The following DERL2 variants were observed in gnomAD, a reference collection of about 807,000 sequenced individuals.
DERL2 encodes the protein derlin 2.
Under a neutral mutation model 32.0 loss-of-function variants are expected in DERL2, and 13 were observed. The observed-to-expected ratio is 0.41, with a 90% CI of 0.26 to 0.65. The LOEUF is 0.65. DERL2 is among the 30% of genes least tolerant of loss of function. The probability of loss-of-function intolerance (pLI) is 0.35; values close to 1 mark genes in which losing one functional copy is unlikely to be tolerated. For synonymous variants in DERL2, 111 were observed against 104.7 expected, an observed-to-expected ratio of 1.06 and a Z score of -0.37; for missense variants, 208 against 296.3, an observed-to-expected ratio of 0.70 and a Z score of 2.19.
chr17:5,485,292 C>A (rs1906113521), intron 1 of DERL2, 76 bp from the exon 2 acceptor site: 4 of 1,058,262 alleles, frequency 3.8e-6, no homozygotes, highest in Non-Finnish European at 5.5e-6. Flanking sequence ...ATTAGTAGGT[C>A]TAGCAATTTC....
rs959755950 is a variant in DERL2 at position 5,485,091 on chromosome 17, C to T, written c.159+60G>A. On this transcript the variant is annotated intron_variant, in intron 2 of 6. Transcript: ENST00000158771. ...GGATAGTGTATAACAGGATTTGCTA[C>T]TAAACAGTAAGAAAAAGAAGAAACT... 3.2e-6 allele frequency: 4 copies of T among 1,266,270 alleles called. No individual in the cohort carries two copies. The African/African-American group carries it at 6.1e-5, about 19-fold the overall frequency. 78.4% of individuals were successfully genotyped at this position (1,266,270 alleles called of 1,614,324 possible).
chr17:5,485,933 C>T (rs1363865364), intron 1 of DERL2, 136 bp downstream of exon 1: 2 of 667,748 alleles, frequency 3.0e-6, no homozygotes, highest in East Asian at 3.0e-5. Flanking sequence ...ACTCGAACCC[C>T]AGAGTAATCC....
In DERL2 at chr17:5,476,904, T is replaced by C. The variant is rs1369693386; in HGVS notation, c.615-2115A>G. 2.0e-5 allele frequency among the ~76,000 whole-genome samples: 3 copies of C among 152,022 alleles called. No homozygotes were observed. The East Asian group carries it at 5.8e-4, about 29-fold the overall frequency. ...AGAGCCCCATCAGACCATGCACACA[T>C]GGAGGTGGCCTGACGAGATGTTAGC... On this transcript the variant is annotated intron_variant, in intron 6 of 6. Coordinates refer to ENST00000158771, the MANE Select transcript of DERL2 (RefSeq NM_016041.5).
Position 5,474,026 on chromosome 17 carries a change from CAA to C in DERL2, c.*656_*657del, listed in dbSNP as rs1442702163. 1 of 152,036 alleles carries C rather than the reference CAA, an allele frequency of 6.6e-6. No homozygotes were observed. The highest frequency in any genetic ancestry group is 1.5e-5 in the Non-Finnish European group (1 of 68,012). The allele number at this position is 152,036 out of a possible 1,614,324, so 9.4% of individuals were successfully genotyped here. A position where few individuals can be genotyped will look rare whatever the true frequency, so the allele number is the denominator to read the frequency against. ...CCTCCTTTTTTTTCATGTTGTCTGA[CAA>C]AGTTTGGCAAAACCCAGATGCAAAA... On this transcript the variant is annotated 3_prime_UTR_variant, in exon 7 of 7. Coordinates refer to ENST00000158771, the MANE Select transcript of DERL2 (RefSeq NM_016041.5). This position sits in a 1 kb window ranked among gnomAD's most constrained non-coding sequence, Gnocchi z 4.3.
Position 5,474,618 on chromosome 17 carries a change from G to T in DERL2, c.*66C>A, listed in dbSNP as rs1439860492. 1.3e-5 allele frequency: 16 copies of T among 1,277,592 alleles called. No homozygotes were observed. The highest frequency in any genetic ancestry group is 6.7e-5 in the Admixed American group (3 of 45,098). 79.1% of individuals were successfully genotyped at this position (1,277,592 alleles called of 1,614,324 possible). A position where few individuals can be genotyped will look rare whatever the true frequency, so the allele number is the denominator to read the frequency against. Reference sequence around the variant, plus strand: ...AAGTGTCCACACTTTTGCAACAAAGGATAAAAGATCCCAGTGGGTATCACC... The same window carrying T: ...AAGTGTCCACACTTTTGCAACAAAGTATAAAAGATCCCAGTGGGTATCACC... On this transcript the variant is annotated 3_prime_UTR_variant, in exon 7 of 7. Coordinates refer to ENST00000158771, the MANE Select transcript of DERL2 (RefSeq NM_016041.5). The surrounding 1 kb of genome is among the most constrained non-coding windows in gnomAD (Gnocchi z 4.3).
chr17:5,479,835 GA>G (rs1206835031), intron 6 of DERL2, among the ~76,000 whole-genome samples: 1 of 152,168 alleles, frequency 6.6e-6, no homozygotes, highest in Non-Finnish European at 1.5e-5. Flanking sequence ...TTACTCCCAA[GA>G]TATCTTGAGC....
chr17:5,480,670 A>G, intron 4 of DERL2, 88 bp from the exon 5 acceptor site: 6 of 1,207,196 alleles, frequency 5.0e-6, no homozygotes, highest in Non-Finnish European at 6.6e-6. Context: ...TTCTAACAGA[A>G]GTTTGAATTG....
chr17:5,480,029 A>C, intron 6 of DERL2, 25 bp downstream of exon 6: 1 of 1,454,194 alleles, frequency 6.9e-7, no homozygotes, highest in Non-Finnish European at 9.6e-7. Context: ...CTGTAAGAGT[A>C]TGTAACCTGG....
chr17:5,476,323 T>C (rs1905377638), intron 6 of DERL2, among the ~76,000 whole-genome samples: 2 of 152,188 alleles, frequency 1.3e-5, no homozygotes, highest in Non-Finnish European at 2.9e-5. Context: ...GAAAATAGTA[T>C]AATTCAAAAT....
intron 6 of DERL2, among the ~76,000 whole-genome samples, chr17:5,476,723 G>A (rs1016585484): frequency 1.3e-5 from 2 of 152,214 alleles, no homozygotes; most frequent in Admixed American, 6.5e-5. Flanking sequence ...GGAGGTTGCA[G>A]TGAGCCGAGA....
Position 5,481,100 on chromosome 17 carries a change from C to T in DERL2, c.327+196G>A. The T allele has an allele frequency of 1.6e-6, 1 of 619,814 alleles. No individual in the cohort carries two copies. Among genetic ancestry groups the T allele is most frequent in the Non-Finnish European group, 2.8e-6 (1 of 351,184 alleles). The allele number at this position is 619,814 out of a possible 1,614,324, so 38.4% of individuals were successfully genotyped here. Reference sequence around the variant, plus strand: ...AACTGAGTTGCTTAACAGTAACCCACCTGGGTTAAAAGTTCCTTTGACTTG... The same window carrying T: ...AACTGAGTTGCTTAACAGTAACCCATCTGGGTTAAAAGTTCCTTTGACTTG... On this transcript the variant is annotated intron_variant, in intron 4 of 6. Transcript: ENST00000158771. This position sits in a 1 kb window ranked among gnomAD's most constrained non-coding sequence, Gnocchi z 4.4.
intron 6 of DERL2, among the ~76,000 whole-genome samples, chr17:5,477,130 G>GGAGTGGTA (rs1438614100): frequency 1.3e-5 from 2 of 152,192 alleles, no homozygotes; most frequent in African/African-American, 4.8e-5. Flanking sequence ...CAGATGGAAA[G>GGAGTGGTA]GAGTGGTACA....
upstream of DERL2, chr17:5,486,334 A>C: frequency 2.2e-6 from 1 of 448,426 alleles, no homozygotes; most frequent in East Asian, 4.3e-5. Context: ...CACATCCGCC[A>C]ATCACGAGTT....
intron 2 of DERL2, 23 bp downstream of exon 2, chr17:5,485,128 C>A: frequency 6.8e-7 from 1 of 1,478,776 alleles, no homozygotes; most frequent in Non-Finnish European, 9.2e-7. Flanking sequence ...AAGCATTAAT[C>A]ACTATTGTGA....
intron 6 of DERL2, among the ~76,000 whole-genome samples, chr17:5,478,341 C>G (rs1268896675): frequency 2.0e-5 from 3 of 152,198 alleles, no homozygotes; most frequent in African/African-American, 4.8e-5. Flanking sequence ...TACCACTGCA[C>G]TCCAGCCTGG....
Position 5,480,442 on chromosome 17 carries a change from C to T in DERL2, c.468G>A (p.Trp156Ter). 1 of 1,613,730 alleles carries T rather than the reference C, an allele frequency of 6.2e-7. No individual in the cohort carries two copies. The change falls in exon 5 of 7, where the codon TGG (tryptophan) becomes TGA (stop). Residue 156 changes from tryptophan (W) to a stop codon, truncating the protein, a stop_gained. Transcript: ENST00000158771. LOFTEE classifies it high-confidence loss of function. ...LLNFQAPFLP[W>*]VLMGFSLLLG... ...ACAACAAGGAAAATCCCATGAGCACCCAGGGCAGAAAGGGGGCCTGGAAGT... is the reference window on the plus strand; with the variant it reads ...ACAACAAGGAAAATCCCATGAGCACTCAGGGCAGAAAGGGGGCCTGGAAGT...
At position 5,471,470 on chromosome 17, in the gene DERL2, T is replaced by C. The variant is rs185080572; in HGVS notation, c.*3214A>G. The stretch of plus-strand genomic sequence containing the variant: ...AATGTCATACAGACTTGAAGCTTTA[T>C]AGGGATTCAGAGACAGACAATAAAA... On this transcript the variant is annotated 3_prime_UTR_variant, in exon 7 of 7. Transcript: ENST00000158771. 1 of 152,312 alleles carries C rather than the reference T, an allele frequency of 6.6e-6. No individual in the cohort carries two copies. The highest frequency in any genetic ancestry group is 1.9e-4 in the East Asian group (1 of 5,184). The allele number at this position is 152,312 out of a possible 1,614,324, so 9.4% of individuals were successfully genotyped here.
intron 6 of DERL2, 45 bp downstream of exon 6, chr17:5,480,009 C>A: frequency 1.6e-6 from 2 of 1,224,132 alleles, no homozygotes; most frequent in South Asian, 2.5e-5. Flanking sequence ...ATGCCCCTGT[C>A]CTGGTTTGCC....
At chr17:5,486,364 C>G (rs547137930), upstream of DERL2, 13,378 of 506,966 alleles carry the variant, frequency 0.026, 271 homozygotes, top group Non-Finnish European at 0.037. Flanking sequence ...CCGCCCCCCC[C>G]CAGCGCCCCA....
Sources: gnomAD v4.1 joint callset for allele counts (sites outside exome capture counted in the v4.1 genomes callset) on GRCh38, gnomAD v4.1.1 for gene constraint, Gnocchi (gnomAD v3.1) non-coding constraint, MANE v1.5 for transcripts, NCBI Gene and HGNC (gene_info 2026-07-23, HGNC 2026-07-21) for gene names.